ATG7: variants seen among roughly 807,000 people sequenced by gnomAD.
ATG7 encodes the protein ubiquitin-like modifier-activating enzyme ATG7.
A neutral mutation model predicts 82.4 loss-of-function variants in ATG7; 70 were observed. That is an observed-to-expected ratio of 0.85 (90% CI 0.70 to 1.04). The LOEUF (loss-of-function observed/expected upper bound fraction) is 1.04, where lower values mean the gene tolerates loss of function less well. Among genes scored for constraint, ATG7 ranks in the 50% least tolerant of loss-of-function variants. ATG7 has a pLI of 0.00. For missense variants in ATG7, 792 were observed against 864.3 expected (o/e 0.92, Z 1.05); for synonymous variants, 287 against 313.0 (o/e 0.92, Z 0.88).
intron 14 of ATG7, among the ~76,000 whole-genome samples, chr3:11,355,202 C>T (rs1436780526): frequency 1.3e-5 from 2 of 152,156 alleles, no homozygotes; most frequent in Non-Finnish European, 1.5e-5. Flanking sequence ...AGAGTTCACA[C>T]GAGCTGGGAG....
At chr3:11,510,454 C>A (rs1306256300) in intron 20 of ATG7, 7 of 366,638 alleles carry the variant, frequency 1.9e-5, no homozygotes, top group Admixed American at 6.9e-5. Flanking sequence ...TTCTCCCCAC[C>A]CCCTCCCCCA....
At chr3:11,348,360 G>C (rs1272173155) in intron 14 of ATG7, 1 of 229,680 alleles carries the variant, frequency 4.4e-6, no homozygotes, top group African/African-American at 2.3e-5. Flanking sequence ...TCCAGAGTTT[G>C]TTCCTTCAGA....
In ATG7 at chr3:11,307,076, G is replaced by A. The variant is rs749672141; in HGVS notation, c.333+16G>A. The A allele has an allele frequency of 8.8e-6, 14 of 1,594,816 alleles. No individual in the cohort carries two copies. Among genetic ancestry groups the A allele is most frequent in the East Asian group, 6.7e-5 (3 of 44,776 alleles). On this transcript the variant is annotated intron_variant, in intron 6 of 20. Transcript: ENST00000693202. The stretch of plus-strand genomic sequence containing the variant: ...AGCAAATGAGGTTAGCTGTGAAAAC[G>A]TGATGTATGTGTCATATTTCCTGTG...
At chr3:11,490,137 C>G (rs2090192522) in intron 20 of ATG7, among the ~76,000 whole-genome samples, 1 of 152,078 alleles carries the variant, frequency 6.6e-6, no homozygotes, top group Non-Finnish European at 1.5e-5. Flanking sequence ...TCACTCAGGA[C>G]TTGCTTTATG....
chr3:11,318,675 G>T (rs944025315), intron 9 of ATG7, among the ~76,000 whole-genome samples: 1 of 152,148 alleles, frequency 6.6e-6, no homozygotes, highest in Non-Finnish European at 1.5e-5. Flanking sequence ...TTAGCTTGGC[G>T]TTTGAGGTCT....
intron 20 of ATG7, among the ~76,000 whole-genome samples, chr3:11,427,374 C>T (rs2082447161): frequency 6.6e-6 from 1 of 152,096 alleles, no homozygotes; most frequent in African/African-American, 2.4e-5. Context: ...TTTGATCAGT[C>T]TTCTTAGACC....
intron 19 of ATG7, among the ~76,000 whole-genome samples, chr3:11,401,424 T>C (rs2079826030): frequency 6.6e-6 from 1 of 152,212 alleles, no homozygotes; most frequent in Non-Finnish European, 1.5e-5. Flanking sequence ...TGACCGAGAA[T>C]AGAAAGTTGT....
intron 20 of ATG7, among the ~76,000 whole-genome samples, chr3:11,462,518 GT>G (rs2086410714): frequency 6.6e-6 from 1 of 152,150 alleles, no homozygotes; most frequent in African/African-American, 2.4e-5. Context: ...ACACTTTAGG[GT>G]TGGCTAGTTT....
At chr3:11,402,401 C>T (rs1166848952) in intron 19 of ATG7, among the ~76,000 whole-genome samples, 1 of 152,022 alleles carries the variant, frequency 6.6e-6, no homozygotes, top group East Asian at 1.9e-4. Context: ...CCATTGCACT[C>T]CAGCCTGGGC....
the ATG7 span, among the ~76,000 whole-genome samples, chr3:11,571,109 A>G: frequency 6.6e-6 from 1 of 152,208 alleles, no homozygotes; most frequent in Non-Finnish European, 1.5e-5. Flanking sequence ...TGTCGTGGGC[A>G]GGAAAAAGCT....
Position 11,340,716 on chromosome 3 carries a change from G to T in ATG7, c.961G>T (p.Glu321Ter). The T allele has an allele frequency of 1.2e-6, 2 of 1,613,674 alleles. No individual in the cohort carries two copies. The highest frequency in any genetic ancestry group is 2.2e-5 in the South Asian group (2 of 91,042). The change falls in exon 12 of 21, where the codon GAA becomes TAA. Residue 321 changes from glutamate (E) to a stop codon, truncating the protein, a stop_gained. Coordinates refer to ENST00000693202, the MANE Select transcript of ATG7 (RefSeq NM_001349232.2). LOFTEE classifies it high-confidence loss of function. ...GGGACCAAGGATGGTGAACCTCAGTGAATGTATGGACCCTAAAAGGTATAT... is the reference window on the plus strand; with the variant it reads ...GGGACCAAGGATGGTGAACCTCAGTTAATGTATGGACCCTAAAAGGTATAT... ...GMGPRMVNLS[E>*]CMDPKRLAES...
At chr3:11,544,695 C>T (rs988111912) in intron 20 of ATG7, among the ~76,000 whole-genome samples, 11 of 152,238 alleles carry the variant, frequency 7.2e-5, no homozygotes, top group Non-Finnish European at 1.3e-4. Flanking sequence ...CCAGCTGGGC[C>T]GAGGGGCCCG....
At chr3:11,528,698 C>T (rs1449826435) in intron 20 of ATG7, among the ~76,000 whole-genome samples, 1 of 151,646 alleles carries the variant, frequency 6.6e-6, no homozygotes, top group East Asian at 1.9e-4. Flanking sequence ...TGGTGGTGCG[C>T]ACCTGTAGTC....
At chr3:11,563,665 C>A in the ATG7 span, among the ~76,000 whole-genome samples, 1 of 152,238 alleles carries the variant, frequency 6.6e-6, no homozygotes, top group Non-Finnish European at 1.5e-5. Context: ...CATCAGCGAT[C>A]TCTCCTCCAG....
chr3:11,385,442 G>C (rs1429476676), intron 19 of ATG7, among the ~76,000 whole-genome samples: 2 of 152,260 alleles, frequency 1.3e-5, no homozygotes, highest in Non-Finnish European at 2.9e-5. Context: ...TGGTTAAACT[G>C]TTATCTGTTA....
chr3:11,401,236 C>T (rs2079807383), intron 19 of ATG7, among the ~76,000 whole-genome samples: 2 of 152,154 alleles, frequency 1.3e-5, no homozygotes, highest in Admixed American at 1.3e-4. Flanking sequence ...TTTGATAAAC[C>T]ACTGCTATAG....
intron 20 of ATG7, among the ~76,000 whole-genome samples, chr3:11,457,210 G>A (rs1031059182): frequency 3.3e-5 from 5 of 152,150 alleles, no homozygotes; most frequent in African/African-American, 1.2e-4. Flanking sequence ...AGCTGTCTTT[G>A]GTTCTACCTT....
chr3:11,492,437 G>A (rs1476561656), intron 20 of ATG7, among the ~76,000 whole-genome samples: 7 of 152,328 alleles, frequency 4.6e-5, no homozygotes, highest in East Asian at 1.9e-4. Flanking sequence ...TGTCACTCAC[G>A]CTGGGAGCTG....
At chr3:11,507,631 T>TTTTTG in intron 20 of ATG7, among the ~76,000 whole-genome samples, 1 of 152,276 alleles carries the variant, frequency 6.6e-6, no homozygotes, top group South Asian at 2.1e-4. Flanking sequence ...GTTATGGGTG[T>TTTTTG]TTTTTGTTTT....
Sources: gnomAD v4.1 joint callset for allele counts (sites outside exome capture counted in the v4.1 genomes callset) on GRCh38, gnomAD v4.1.1 for gene constraint, MANE v1.5 for transcripts, NCBI Gene and HGNC (gene_info 2026-07-23, HGNC 2026-07-21) for gene names.